NAA25: variants seen among roughly 807,000 people sequenced by gnomAD.
NAA25 encodes the protein N-alpha-acetyltransferase 25, NatB auxiliary subunit, also known as N-terminal acetyltransferase B complex subunit NAA25.
NAA25 carries 30 observed loss-of-function variants against 132.5 expected under a neutral mutation model. That is an observed-to-expected ratio of 0.23 (90% CI 0.17 to 0.31). NAA25 has a LOEUF of 0.31. NAA25 is among the 10% of genes least tolerant of loss of function. The pLI, the probability that NAA25 is intolerant of heterozygous loss-of-function variation, is 1.00. For missense variants in NAA25, 771 were observed against 1,150.4 expected (o/e 0.67, Z 4.77); for synonymous variants, 359 against 401.9 (o/e 0.89, Z 1.28).
At chr12:112,091,711 A>C (rs536555003) in intron 2 of NAA25, among the ~76,000 whole-genome samples, 57 of 152,144 alleles carry the variant, frequency 3.7e-4, no homozygotes, top group African/African-American at 1.4e-3. Context: ...TCCAAAAAAA[A>C]AAAAAGCCAG....
At chr12:112,039,068 A>C (rs930598981) in intron 22 of NAA25, among the ~76,000 whole-genome samples, 161 bp downstream of exon 22, 1 of 152,168 alleles carries the variant, frequency 6.6e-6, no homozygotes, top group African/African-American at 2.4e-5. Context: ...GTTTTAAGAA[A>C]GTTTACGGGT....
intron 9 of NAA25, among the ~76,000 whole-genome samples, chr12:112,073,363 A>G (rs16941868): frequency 0.025 from 3,876 of 152,310 alleles, 179 homozygotes; most frequent in African/African-American, 0.087. Flanking sequence ...AACCTAGTTA[A>G]TATTACGAAG....
chr12:112,071,753 C>G, intron 10 of NAA25, 142 bp downstream of exon 10: 1 of 539,188 alleles, frequency 1.9e-6, no homozygotes, highest in Non-Finnish European at 3.1e-6. Context: ...TATAAGTGAT[C>G]CATTCATTAG....
chr12:112,081,199 T>A, intron 4 of NAA25, 65 bp from the exon 5 acceptor site: 1 of 1,360,150 alleles, frequency 7.4e-7, no homozygotes, highest in Admixed American at 2.0e-5. Context: ...ATGATCTAGA[T>A]ACACGACAAA....
intron 11 of NAA25, among the ~76,000 whole-genome samples, chr12:112,068,225 G>T (rs1007195515): frequency 6.6e-5 from 10 of 152,178 alleles, no homozygotes; most frequent in African/African-American, 2.2e-4. Context: ...TTCAAAAAAT[G>T]ACAAAATTAT....
rs747220726 is a variant in NAA25, at chr12:112,068,870, T to C, written c.1149+10A>G. ...GCACCCAACAAACTTCTAAACTGTA[T>C]AGTACTTACTTTTGTACACTGTGTA... is the stretch of plus-strand genomic sequence containing the variant. On this transcript the variant is annotated intron_variant, in intron 11 of 23. Transcript: ENST00000261745. 3 of 1,501,526 alleles carry C rather than the reference T, an allele frequency of 2.0e-6. No homozygotes were observed. Among genetic ancestry groups the C allele is most frequent in the Admixed American group, 1.8e-5 (1 of 54,582 alleles). The allele number at this position is 1,501,526 out of a possible 1,614,324, so 93.0% of individuals were successfully genotyped here.
chr12:112,102,599 GCT>G (rs2079309314), intron 1 of NAA25, among the ~76,000 whole-genome samples: 1 of 152,096 alleles, frequency 6.6e-6, no homozygotes, highest in African/African-American at 2.4e-5. Flanking sequence ...ATAGAATCTT[GCT>G]CTGTTGCCCA....
chr12:112,047,634 T>C lies in NAA25; in HGVS notation c.2006+31A>G, dbSNP rs369441139. On this transcript the variant is annotated intron_variant, in intron 17 of 23. Transcript: ENST00000261745. ...AAAAACAAAAAACAAACAAAAACTT[T>C]AAAAATTGCTTGGGGTTAAATTCCA... 7.5e-6 allele frequency: 12 copies of C among 1,601,444 alleles called. No individual in the cohort carries two copies. The African/African-American group carries it at 1.5e-4, about 20-fold the overall frequency.
At position 112,078,617 on chromosome 12, in the gene NAA25, AG is replaced by A. The variant is rs766389770; in HGVS notation, c.585+16del. ...GCAAAAAAATGAAAACACAAAAGTA[AG>A]GCTTAAAATACTCACTTCAGCCTCA... On this transcript the variant is annotated intron_variant, in intron 6 of 23. Transcript: ENST00000261745. 4.6e-5 allele frequency: 74 copies of A among 1,593,944 alleles called. No homozygotes were observed. The highest frequency in any genetic ancestry group is 6.2e-5 in the Non-Finnish European group (72 of 1,164,244).
intron 15 of NAA25, among the ~76,000 whole-genome samples, chr12:112,052,387 G>A (rs1357359072): frequency 6.6e-6 from 1 of 152,066 alleles, no homozygotes; most frequent in Admixed American, 6.6e-5. Context: ...AGGTCTGAAC[G>A]GAGATACCAA....
intron 13 of NAA25, among the ~76,000 whole-genome samples, chr12:112,055,817 GCTA>G (rs2078535778): frequency 6.6e-6 from 1 of 152,016 alleles, no homozygotes; most frequent in Non-Finnish European, 1.5e-5. Context: ...ATTTATACAA[GCTA>G]CTTTTACAGT....
intron 1 of NAA25, among the ~76,000 whole-genome samples, chr12:112,094,966 G>A (rs2079190550): frequency 6.6e-6 from 1 of 152,050 alleles, no homozygotes; most frequent in Non-Finnish European, 1.5e-5. Context: ...ACCATGCCCA[G>A]CTGATACATT....
At chr12:112,108,047 G>A (rs2079389853) in intron 1 of NAA25, among the ~76,000 whole-genome samples, 1 of 151,956 alleles carries the variant, frequency 6.6e-6, no homozygotes, top group Non-Finnish European at 1.5e-5. Flanking sequence ...AGCTCTGCAT[G>A]CCCCTCTGAC....
Position 112,043,155 on chromosome 12 carries a change from A to G in NAA25, c.2307T>C (p.Cys769=). 6.2e-7 allele frequency: 1 copy of G among 1,613,662 alleles called. No individual in the cohort carries two copies. Among genetic ancestry groups the G allele is most frequent in the Non-Finnish European group, 8.5e-7 (1 of 1,179,720 alleles). The change falls in exon 19 of 24, where the codon TGT becomes TGC. Residue 769 remains cysteine (C), a synonymous_variant. Transcript: ENST00000261745. ...TRMGGFFNSG[C]SQCQISSFYL... is the part of the protein sequence containing the mutation. Reference sequence around the variant, plus strand: ...AAAAAGAGCTTATCTGGCACTGAGAACAGCCAGAATTAAAGAATCCACCCA... The same window carrying G: ...AAAAAGAGCTTATCTGGCACTGAGAGCAGCCAGAATTAAAGAATCCACCCA...
intron 1 of NAA25, 44 bp from the exon 2 acceptor site, chr12:112,093,180 T>G: frequency 8.6e-7 from 1 of 1,159,934 alleles, no homozygotes; most frequent in Non-Finnish European, 1.3e-6. Context: ...ATTCCTTCAA[T>G]AACAAATATA....
chr12:112,051,321 C>T (rs2078462135), intron 15 of NAA25, among the ~76,000 whole-genome samples: 1 of 152,144 alleles, frequency 6.6e-6, no homozygotes, highest in Admixed American at 6.5e-5. Flanking sequence ...AGCAATTCTC[C>T]TGCCTCAGCC....
At chr12:112,102,391 A>G (rs1056660871) in intron 1 of NAA25, among the ~76,000 whole-genome samples, 2 of 151,926 alleles carry the variant, frequency 1.3e-5, no homozygotes, top group African/African-American at 4.8e-5. Context: ...GAAAAAAAAA[A>G]AGAAATGTAC....
intron 11 of NAA25, 74 bp downstream of exon 11, chr12:112,068,805 GA>G: frequency 1.2e-6 from 1 of 804,972 alleles, no homozygotes; most frequent in South Asian, 1.8e-5. Flanking sequence ...TTTTAGAAAA[GA>G]AACCCAAACA....
chr12:112,069,930 C>T (rs1339914677), intron 10 of NAA25, among the ~76,000 whole-genome samples: 5 of 151,880 alleles, frequency 3.3e-5, no homozygotes, highest in Admixed American at 6.6e-5. Context: ...GAGTTTGAGA[C>T]CAGCCTGGGC....
Sources: allele counts gnomAD v4.1 joint callset (sites outside exome capture counted in the v4.1 genomes callset), GRCh38; gene constraint gnomAD v4.1.1; transcripts MANE v1.5; gene names NCBI Gene and HGNC (gene_info 2026-07-23, HGNC 2026-07-21).